The following TBC1D22A variants were observed in gnomAD, a reference collection of about 807,000 sequenced individuals.
TBC1D22A encodes TBC1 domain family member 22A, also known as putative GTPase activator.
Under a neutral mutation model 60.2 loss-of-function variants are expected in TBC1D22A, and 38 were observed. That is an observed-to-expected ratio of 0.63 (90% confidence interval 0.49 to 0.83). The LOEUF is 0.83. Among genes scored for constraint, TBC1D22A ranks in the 40% least tolerant of loss-of-function variants. The pLI, the probability that TBC1D22A is intolerant of heterozygous loss-of-function variation, is 0.00. For synonymous variants in TBC1D22A, 302 were observed against 281.7 expected (o/e 1.07, Z -0.72); for missense variants, 628 against 701.0 (o/e 0.90, Z 1.18).
At chr22:46,831,619 C>G (rs754677272) in intron 4 of TBC1D22A, among the ~76,000 whole-genome samples, 3 of 152,156 alleles carry the variant, frequency 2.0e-5, no homozygotes, top group Non-Finnish European at 4.4e-5. Flanking sequence ...TCCCCTGATA[C>G]GTGAGCATCC....
chr22:47,011,153 C>T (rs755228903), intron 10 of TBC1D22A, among the ~76,000 whole-genome samples: 41 of 152,214 alleles, frequency 2.7e-4, no homozygotes, highest in Non-Finnish European at 5.3e-4. Context: ...TTGCTTCCAG[C>T]GCTGCCCATC....
chr22:47,162,721 TGGGAATGGGACTGCGGACCCGGTGCAGG>T (rs2068040744), intron 12 of TBC1D22A, among the ~76,000 whole-genome samples: 1 of 49,106 alleles, frequency 2.0e-5, no homozygotes, highest in African/African-American at 7.9e-5. Flanking sequence ...GGGAGAGTCG[TGGGAATGGGACTGCGGACCCGGTGCAGG>T]GAGAGTCGGG....
chr22:47,160,707 TCTTA>T (rs1397561323), intron 12 of TBC1D22A, among the ~76,000 whole-genome samples: 1 of 152,206 alleles, frequency 6.6e-6, no homozygotes, highest in Non-Finnish European at 1.5e-5. Flanking sequence ...TGACCTGTTC[TCTTA>T]CTAAGTTTTC....
In TBC1D22A at chr22:47,059,586, A is replaced by C. The variant is rs531013785; in HGVS notation, c.1329+22388A>C. On this transcript the variant is annotated intron_variant, in intron 11 of 12. Transcript: ENST00000337137. ...ACTTGTTTAATTGAAGGATTCCTTA[A>C]ATTATTTTAAGGAATGAAGAATTAC... Among the ~76,000 whole-genome samples, 4 of 152,254 alleles carry C rather than the reference A, an allele frequency of 2.6e-5. No individual in the cohort carries two copies. The South Asian group carries it at 8.3e-4, about 32-fold the overall frequency.
intron 12 of TBC1D22A, among the ~76,000 whole-genome samples, chr22:47,153,227 G>C (rs2067576285): frequency 6.6e-6 from 1 of 152,176 alleles, no homozygotes; most frequent in Admixed American, 6.5e-5. Flanking sequence ...AGCTTCTCCT[G>C]AATTCCACCC....
intron 4 of TBC1D22A, among the ~76,000 whole-genome samples, chr22:46,803,264 C>A (rs1697953728): frequency 6.6e-6 from 1 of 152,192 alleles, no homozygotes; most frequent in South Asian, 2.1e-4. Flanking sequence ...GGCGGCTGCC[C>A]TCCAGCCCCA....
intron 10 of TBC1D22A, among the ~76,000 whole-genome samples, chr22:47,018,605 G>A (rs1438836990): frequency 6.6e-6 from 1 of 152,110 alleles, no homozygotes; most frequent in Admixed American, 6.5e-5. Context: ...TTAGTGAATG[G>A]CCACTTGGGC....
intron 8 of TBC1D22A, among the ~76,000 whole-genome samples, chr22:46,935,286 T>C (rs1282967862): frequency 6.6e-6 from 1 of 152,200 alleles, no homozygotes; most frequent in Non-Finnish European, 1.5e-5. Context: ...TTCAGCAAAT[T>C]AGAAACTTTG....
At chr22:46,995,018 G>A (rs572513172) in intron 9 of TBC1D22A, among the ~76,000 whole-genome samples, 1 of 152,326 alleles carries the variant, frequency 6.6e-6, no homozygotes, top group South Asian at 2.1e-4. Flanking sequence ...CAGCCGGACA[G>A]GTGCCTGGGT....
rs1472849748 is a variant in TBC1D22A, at chr22:46,907,483, AC to A, written c.901-4586del. 2.6e-5 allele frequency among the ~76,000 whole-genome samples: 4 copies of A among 151,930 alleles called. No homozygotes were observed. In the East Asian group the frequency reaches 7.7e-4, roughly 29 times the overall value. ...TGGCATTCATTATCTGTCCACACAG[AC>A]CCCCAGAATGAGCCCAGGTCCTGCC... On this transcript the variant is annotated intron_variant, in intron 7 of 12. Coordinates refer to ENST00000337137, the MANE Select transcript of TBC1D22A (RefSeq NM_014346.5).
At chr22:46,832,884 G>A (rs2086370088) in intron 4 of TBC1D22A, among the ~76,000 whole-genome samples, 1 of 152,170 alleles carries the variant, frequency 6.6e-6, no homozygotes, top group Non-Finnish European at 1.5e-5. Context: ...TCTGTGGAAT[G>A]TGAGGAAGAA....
chr22:46,886,669 T>G (rs1386907312), intron 5 of TBC1D22A, among the ~76,000 whole-genome samples: 1 of 152,198 alleles, frequency 6.6e-6, no homozygotes, highest in Non-Finnish European at 1.5e-5. Flanking sequence ...ACTCACAAAT[T>G]GGGGAAAGGT....
At chr22:47,166,785 T>C (rs910226438) in intron 12 of TBC1D22A, among the ~76,000 whole-genome samples, 3 of 152,184 alleles carry the variant, frequency 2.0e-5, no homozygotes, top group Non-Finnish European at 2.9e-5. Context: ...TGTGAGAAGG[T>C]CTGGCATGAA....
At chr22:47,162,924 T>A (rs1314459925) in intron 12 of TBC1D22A, among the ~76,000 whole-genome samples, 1 of 152,202 alleles carries the variant, frequency 6.6e-6, no homozygotes, top group Admixed American at 6.5e-5. Flanking sequence ...ACACACCATG[T>A]GTCTGAAAGT....
intron 7 of TBC1D22A, among the ~76,000 whole-genome samples, chr22:46,901,304 C>G (rs772169967): frequency 1.4e-4 from 22 of 152,184 alleles, no homozygotes; most frequent in Non-Finnish European, 3.1e-4. Flanking sequence ...TGTACTGATT[C>G]TTCAGTTATG....
intron 11 of TBC1D22A, among the ~76,000 whole-genome samples, chr22:47,079,011 G>A (rs1453383584): frequency 6.6e-6 from 1 of 151,416 alleles, no homozygotes; most frequent in African/African-American, 2.4e-5. Flanking sequence ...GTATATATAC[G>A]AACAAGAGAG....
intron 8 of TBC1D22A, among the ~76,000 whole-genome samples, chr22:46,917,002 A>G (rs530095013): frequency 1.3e-5 from 2 of 152,314 alleles, no homozygotes; most frequent in South Asian, 4.1e-4. Context: ...CTGAAGCTTG[A>G]ATGTGCCCAT....
At chr22:47,024,860 G>GA (rs1252354703) in intron 10 of TBC1D22A, among the ~76,000 whole-genome samples, 9 of 150,976 alleles carry the variant, frequency 6.0e-5, no homozygotes, top group Non-Finnish European at 7.4e-5. Flanking sequence ...TGTCTCAAAA[G>GA]AAAAAAAAGA....
At chr22:46,806,080 T>A (rs1049843958) in intron 4 of TBC1D22A, among the ~76,000 whole-genome samples, 1 of 152,170 alleles carries the variant, frequency 6.6e-6, no homozygotes, top group Non-Finnish European at 1.5e-5. Context: ...CTCGAACTCC[T>A]GACCTCGTGA....
Sources: gnomAD v4.1 joint callset for allele counts (sites outside exome capture counted in the v4.1 genomes callset) on GRCh38, gnomAD v4.1.1 for gene constraint, MANE v1.5 for transcripts, NCBI Gene and HGNC (gene_info 2026-07-23, HGNC 2026-07-21) for gene names.